The following NLGN1 variants were observed in gnomAD, a reference collection of about 807,000 sequenced individuals.
NLGN1 encodes the protein neuroligin 1.
NLGN1 carries 12 observed loss-of-function variants against 65.5 expected under a neutral mutation model. The ratio of observed to expected loss-of-function variants is 0.18; its 90% CI spans 0.12 to 0.30. NLGN1 has a LOEUF of 0.30. Among genes scored for constraint, NLGN1 ranks in the 10% least tolerant of loss-of-function variants. The pLI, the probability that NLGN1 is intolerant of heterozygous loss-of-function variation, is 1.00. For missense variants in NLGN1, 750 were observed against 1,007.1 expected (o/e 0.74, Z 3.46); for synonymous variants, 350 against 359.5 (o/e 0.97, Z 0.30).
At chr3:174,284,794 C>T (rs1408545830) in exon 7 of NLGN1, 4 of 151,284 alleles carry the variant, frequency 2.6e-5, no homozygotes, top group African/African-American at 4.8e-5. Context: ...GATTTGTAGA[C>T]GTCTTGCTGG....
chr3:173,641,308 C>G (rs1757373709), intron 3 of NLGN1, among the ~76,000 whole-genome samples: 1 of 152,056 alleles, frequency 6.6e-6, no homozygotes, highest in South Asian at 2.1e-4. Flanking sequence ...CTGGGTACTT[C>G]TTTTTATTAT....
At chr3:174,227,064 A>G (rs1739850148) in intron 4 of NLGN1, among the ~76,000 whole-genome samples, 1 of 152,152 alleles carries the variant, frequency 6.6e-6, no homozygotes, top group South Asian at 2.1e-4. Flanking sequence ...GTAATAGGTG[A>G]GTTTTTAAGA....
chr3:173,930,939 A>G (rs1329995958), intron 4 of NLGN1, among the ~76,000 whole-genome samples: 1 of 152,110 alleles, frequency 6.6e-6, no homozygotes, highest in East Asian at 1.9e-4. Flanking sequence ...AAATAGTACT[A>G]CCTCCTCACT....
At chr3:173,673,326 G>A (rs1249379423) in intron 3 of NLGN1, among the ~76,000 whole-genome samples, 2 of 152,172 alleles carry the variant, frequency 1.3e-5, no homozygotes, top group African/African-American at 4.8e-5. Context: ...TAACGATATG[G>A]TTATGTCATT....
intron 3 of NLGN1, among the ~76,000 whole-genome samples, chr3:173,636,245 C>T (rs1756570352): frequency 6.6e-6 from 1 of 152,002 alleles, no homozygotes; most frequent in Non-Finnish European, 1.5e-5. Context: ...ACAGAACTCT[C>T]CATTTGCACA....
chr3:173,886,795 A>G (rs1308329707), intron 4 of NLGN1, among the ~76,000 whole-genome samples: 6 of 152,092 alleles, frequency 3.9e-5, no homozygotes, highest in Non-Finnish European at 7.4e-5. Flanking sequence ...TAATAAGTGC[A>G]TGACCAGAGA....
intron 4 of NLGN1, among the ~76,000 whole-genome samples, chr3:173,885,104 C>T (rs138465265): frequency 1.4e-4 from 22 of 152,192 alleles, no homozygotes; most frequent in African/African-American, 4.8e-4. Flanking sequence ...ACATTCAAAC[C>T]ACAGAAACCA....
At chr3:173,696,684 T>C (rs1766270023) in intron 3 of NLGN1, among the ~76,000 whole-genome samples, 1 of 152,240 alleles carries the variant, frequency 6.6e-6, no homozygotes, top group African/African-American at 2.4e-5. Context: ...TTCTTTTCTC[T>C]AAGAAGAATA....
At chr3:174,254,323 T>TTTA (rs1471709840) in intron 4 of NLGN1, among the ~76,000 whole-genome samples, 3 of 123,706 alleles carry the variant, frequency 2.4e-5, no homozygotes, top group African/African-American at 8.5e-5. Context: ...TTTTTTTTTT[T>TTTA]TTTTTTTTGT....
In NLGN1 at chr3:173,519,997, G is replaced by A. The variant is rs143456769; in HGVS notation, c.-320-84282G>A. On this transcript the variant is annotated intron_variant, in intron 2 of 6. Transcript: ENST00000457714. ...ACGGAGTTATCATGAATGGTTTAGC[G>A]TCATCCTCTTGGTGCTGTTCTCGTG... Among the ~76,000 whole-genome samples the A allele has an allele frequency of 3.8e-3, 575 of 152,240 alleles. 1 individual carries two copies. The highest frequency in any genetic ancestry group is 0.014 in the African/African-American group (563 of 41,550).
At chr3:174,281,085 G>C (rs1751452386) in exon 7 of NLGN1, 1 of 1,613,278 alleles carries the variant, frequency 6.2e-7, no homozygotes, top group South Asian at 1.1e-5. Context: ...TCCACATGAG[G>C]TGGTTCTTCG....
intron 4 of NLGN1, among the ~76,000 whole-genome samples, chr3:173,812,861 A>G (rs977155610): frequency 1.3e-5 from 2 of 149,026 alleles, no homozygotes; most frequent in African/African-American, 4.9e-5. Context: ...TGTTTTCAGC[A>G]TTATACACCT....
intron 4 of NLGN1, among the ~76,000 whole-genome samples, chr3:173,937,641 G>A (rs1445663891): frequency 1.3e-5 from 2 of 152,224 alleles, no homozygotes; most frequent in African/African-American, 4.8e-5. Flanking sequence ...ATATCCCTTA[G>A]TAAGTGATGG....
At position 173,558,901 on chromosome 3, in the gene NLGN1, G is replaced by GTTA. The variant is rs573454376; in HGVS notation, c.-320-45376_-320-45375insATT. Among the ~76,000 whole-genome samples the GTTA allele has an allele frequency of 8.8e-3, 1,332 of 151,828 alleles. 11 individuals are homozygous for GTTA. Among genetic ancestry groups the GTTA allele is most frequent in the Non-Finnish European group, 0.015 (987 of 67,922 alleles). The stretch of plus-strand genomic sequence containing the variant: ...GTAGTAAAGGCTTTGTTTGATTTTT[G>GTTA]TTGTTGTTGTTTATCCAAGTAGGTA... On this transcript the variant is annotated intron_variant, in intron 2 of 6. Transcript: ENST00000457714.
chr3:173,951,685 A>C (rs1748237840), intron 4 of NLGN1, among the ~76,000 whole-genome samples: 1 of 151,300 alleles, frequency 6.6e-6, no homozygotes, highest in Non-Finnish European at 1.5e-5. Flanking sequence ...CTGGTCTCGA[A>C]CTCCTGACCT....
At chr3:173,705,319 G>A (rs1767888638) in intron 3 of NLGN1, among the ~76,000 whole-genome samples, 1 of 152,070 alleles carries the variant, frequency 6.6e-6, no homozygotes, top group African/African-American at 2.4e-5. Context: ...ATAGGTCATT[G>A]TAAAACATTT....
At chr3:174,134,390 T>C (rs2152678394) in intron 4 of NLGN1, among the ~76,000 whole-genome samples, 1 of 152,306 alleles carries the variant, frequency 6.6e-6, no homozygotes, top group Non-Finnish European at 1.5e-5. Flanking sequence ...TTCATGTACA[T>C]GAAGCAATTT....
Position 174,234,369 on chromosome 3 carries a change from T to C in NLGN1, c.647-40946T>C, listed in dbSNP as rs114537711. On this transcript the variant is annotated intron_variant, in intron 4 of 6. Transcript: ENST00000457714. ...CTGATTCTTCCCTTGGGTTGGGTTG[T>C]CTGCATTCACAGCATCCTGCTAGCA... Among the ~76,000 whole-genome samples, 571 of 152,278 alleles carry C rather than the reference T, an allele frequency of 3.7e-3. 2 individuals carry two copies. Among genetic ancestry groups the C allele is most frequent in the Non-Finnish European group, 3.7e-3 (250 of 68,014 alleles).
intron 4 of NLGN1, among the ~76,000 whole-genome samples, chr3:174,053,763 C>T (rs936288211): frequency 2.6e-5 from 4 of 151,904 alleles, no homozygotes. Flanking sequence ...TTCAATTCAT[C>T]CATTTCATTT....
Sources: allele counts gnomAD v4.1 joint callset (sites outside exome capture counted in the v4.1 genomes callset), GRCh38; gene constraint gnomAD v4.1.1; transcripts MANE v1.5; gene names NCBI Gene and HGNC (gene_info 2026-07-23, HGNC 2026-07-21).